Variants in DLGAP1 observed in about 807,000 individuals in gnomAD.
DLGAP1 encodes the protein DLG associated protein 1, also known as disks large-associated protein 1.
DLGAP1 carries 11 observed loss-of-function variants against 90.8 expected under a neutral mutation model. That is an observed-to-expected ratio of 0.12 (90% CI 0.08 to 0.20). DLGAP1 has a LOEUF of 0.20. Ranked by LOEUF, DLGAP1 falls within the 10% of genes least tolerant of loss-of-function variation. The probability of loss-of-function intolerance (pLI) is 1.00; values close to 1 mark genes in which losing one functional copy is unlikely to be tolerated. For synonymous variants in DLGAP1, 558 were observed against 540.7 expected (o/e 1.03, Z -0.44); for missense variants, 1,050 against 1,333.8 (o/e 0.79, Z 3.31).
rs183375669 is a variant in DLGAP1 at position 3,959,295 on chromosome 18, C to T, written c.-73+45821G>A. On this transcript the variant is annotated intron_variant, in intron 3 of 12. Transcript: ENST00000315677. Reference sequence around the variant, plus strand: ...TTTAGGTCCTTTTGTTTACCTGAAACGTCTACACTCTCTTTTGCACAGTTT... The same window carrying T: ...TTTAGGTCCTTTTGTTTACCTGAAATGTCTACACTCTCTTTTGCACAGTTT... Among the ~76,000 whole-genome samples, 7 of 152,156 alleles carry T rather than the reference C, an allele frequency of 4.6e-5. No individual in the cohort carries two copies. The East Asian group carries it at 5.8e-4, about 13-fold the overall frequency.
At chr18:4,439,273 A>T (rs1297218734) in intron 1 of DLGAP1, among the ~76,000 whole-genome samples, 1 of 152,224 alleles carries the variant, frequency 6.6e-6, no homozygotes, top group Non-Finnish European at 1.5e-5. Context: ...GAGATGATAT[A>T]TTTGTAGAAC....
At chr18:4,335,306 T>G (rs1281474544) in intron 1 of DLGAP1, among the ~76,000 whole-genome samples, 6 of 151,916 alleles carry the variant, frequency 3.9e-5, no homozygotes, top group Non-Finnish European at 4.4e-5. Context: ...CATAAAGCTG[T>G]TTTTTACCTC....
intron 7 of DLGAP1, among the ~76,000 whole-genome samples, chr18:3,662,943 C>T (rs1295324570): frequency 6.6e-6 from 1 of 152,110 alleles, no homozygotes; most frequent in East Asian, 1.9e-4. Flanking sequence ...ATCAAATGGG[C>T]CCCATCAGCA....
chr18:4,315,814 C>T (rs916524274), intron 1 of DLGAP1, among the ~76,000 whole-genome samples: 5 of 151,998 alleles, frequency 3.3e-5, no homozygotes, highest in Non-Finnish European at 5.9e-5. Context: ...ATTTTTTTGA[C>T]TCTGAAGCAG....
chr18:4,412,381 T>C (rs1432691483), intron 1 of DLGAP1, among the ~76,000 whole-genome samples: 1 of 152,210 alleles, frequency 6.6e-6, no homozygotes, highest in African/African-American at 2.4e-5. Flanking sequence ...CCTTGCAAGA[T>C]AGCAAGTGCC....
At chr18:3,680,767 A>AGT (rs1567953693) in intron 7 of DLGAP1, among the ~76,000 whole-genome samples, 2 of 147,670 alleles carry the variant, frequency 1.4e-5, no homozygotes, top group Non-Finnish European at 3.0e-5. Flanking sequence ...CCAGCCTGGA[A>AGT]GACAGAGCGA....
At chr18:4,113,718 C>T (rs2076013219) in intron 2 of DLGAP1, among the ~76,000 whole-genome samples, 1 of 151,914 alleles carries the variant, frequency 6.6e-6, no homozygotes. Flanking sequence ...TGTTTCCTAG[C>T]TTTTATTCTA....
intron 3 of DLGAP1, among the ~76,000 whole-genome samples, chr18:3,969,969 G>T (rs567527962): frequency 6.6e-6 from 1 of 152,160 alleles, no homozygotes; most frequent in East Asian, 1.9e-4. Context: ...GAAAGCACAC[G>T]AACAGAAGTC....
intron 1 of DLGAP1, among the ~76,000 whole-genome samples, chr18:4,273,714 C>T (rs1004439032): frequency 1.3e-5 from 2 of 152,190 alleles, no homozygotes; most frequent in Non-Finnish European, 2.9e-5. Flanking sequence ...GGATTACAGG[C>T]GTGAGCCACT....
At chr18:4,062,634 T>C (rs4797140) in intron 2 of DLGAP1, among the ~76,000 whole-genome samples, 22,296 of 151,642 alleles carry the variant, frequency 0.15, 2,002 homozygotes, top group East Asian at 0.35. Context: ...ATTTTTGCCG[T>C]GCTTCATGCA....
At chr18:4,011,233 T>C (rs2074414628) in intron 2 of DLGAP1, among the ~76,000 whole-genome samples, 1 of 149,906 alleles carries the variant, frequency 6.7e-6, no homozygotes, top group South Asian at 2.1e-4. Flanking sequence ...TCTGTCTAGT[T>C]GTAAAGAGGT....
At chr18:4,324,777 CTTAAT>C (rs2080778254) in intron 1 of DLGAP1, among the ~76,000 whole-genome samples, 13 of 41,442 alleles carry the variant, frequency 3.1e-4, no homozygotes, top group African/African-American at 2.5e-3. Flanking sequence ...ACATGATTAC[CTTAAT>C]TGATGCAGAA....
At chr18:3,529,229 T>C (rs1013236402) in intron 10 of DLGAP1, among the ~76,000 whole-genome samples, 11 of 152,300 alleles carry the variant, frequency 7.2e-5, no homozygotes, top group African/African-American at 2.6e-4. Flanking sequence ...ATAGGGTTAC[T>C]ACGCTTATCA....
chr18:4,415,860 G>A (rs2082887958), intron 1 of DLGAP1, among the ~76,000 whole-genome samples: 4 of 151,994 alleles, frequency 2.6e-5, no homozygotes, highest in Admixed American at 2.0e-4. Flanking sequence ...ATAAAGACAG[G>A]GTGTTTATAT....
At chr18:4,450,583 C>T (rs2083798545) in intron 1 of DLGAP1, among the ~76,000 whole-genome samples, 1 of 152,168 alleles carries the variant, frequency 6.6e-6, no homozygotes, top group Non-Finnish European at 1.5e-5. Context: ...CACAATGTCT[C>T]CTCATCCAAA....
chr18:4,111,636 T>C (rs925604792), intron 2 of DLGAP1, among the ~76,000 whole-genome samples: 11 of 152,308 alleles, frequency 7.2e-5, no homozygotes, highest in African/African-American at 2.4e-4. Context: ...CAGTCTCTTA[T>C]AGGTCGATTT....
At chr18:4,382,053 G>T (rs1212730947) in intron 1 of DLGAP1, among the ~76,000 whole-genome samples, 1 of 152,118 alleles carries the variant, frequency 6.6e-6, no homozygotes, top group Non-Finnish European at 1.5e-5. Context: ...TTGCCCCCAT[G>T]ATTCAATTAT....
chr18:3,676,287 G>A (rs2146823999), intron 7 of DLGAP1, among the ~76,000 whole-genome samples: 1 of 152,306 alleles, frequency 6.6e-6, no homozygotes, highest in Non-Finnish European at 1.5e-5. Context: ...ACACTTAATT[G>A]AACCAATCTG....
At chr18:3,781,027 T>C (rs1253524518) in intron 5 of DLGAP1, among the ~76,000 whole-genome samples, 1 of 152,258 alleles carries the variant, frequency 6.6e-6, no homozygotes, top group South Asian at 2.1e-4. Flanking sequence ...TCGGTCTTGT[T>C]ATGTTTCCCA....
Sources: gnomAD v4.1 joint callset for allele counts (sites outside exome capture counted in the v4.1 genomes callset) on GRCh38, gnomAD v4.1.1 for gene constraint, MANE v1.5 for transcripts, NCBI Gene and HGNC (gene_info 2026-07-23, HGNC 2026-07-21) for gene names.